NCKAP5: variants seen among roughly 807,000 people sequenced by gnomAD.
NCKAP5 encodes the protein NCK associated protein 5.
In NCKAP5, 92 loss-of-function variants were observed where a neutral mutation model predicts 167.0. The ratio of observed to expected loss-of-function variants is 0.55; its 90% CI spans 0.47 to 0.66. The LOEUF is 0.66. Ranked by LOEUF, NCKAP5 falls within the 30% of genes least tolerant of loss-of-function variation. The pLI, the probability that NCKAP5 is intolerant of heterozygous loss-of-function variation, is 0.00. For missense variants in NCKAP5, 2,378 were observed against 2,315.0 expected, an observed-to-expected ratio of 1.03 and a Z score of -0.56; for synonymous variants, 891 against 877.4, an observed-to-expected ratio of 1.02 and a Z score of -0.27.
intron 5 of NCKAP5, among the ~76,000 whole-genome samples, chr2:133,159,625 G>A (rs16857667): frequency 0.14 from 20,751 of 152,194 alleles, 1,617 homozygotes; most frequent in East Asian, 0.38. Flanking sequence ...CCACTGGCAT[G>A]TTCCTGTAAG....
chr2:133,563,755 G>T (rs1688348310), intron 1 of NCKAP5, among the ~76,000 whole-genome samples: 1 of 152,188 alleles, frequency 6.6e-6, no homozygotes, highest in African/African-American at 2.4e-5. Context: ...CGGGGCAGAT[G>T]TGAATGACCA....
intron 6 of NCKAP5, among the ~76,000 whole-genome samples, chr2:133,054,636 C>T (rs2079729620): frequency 6.6e-6 from 1 of 152,176 alleles, no homozygotes; most frequent in Admixed American, 6.5e-5. Flanking sequence ...AATTAATCTA[C>T]TGGTGACGAA....
intron 11 of NCKAP5, among the ~76,000 whole-genome samples, chr2:132,814,489 G>A (rs887981629): frequency 1.3e-5 from 2 of 152,112 alleles, no homozygotes; most frequent in Non-Finnish European, 2.9e-5. Context: ...ATCATTTCTT[G>A]GCAAATGGCA....
chr2:132,687,409 T>C (rs1244809908), intron 19 of NCKAP5, among the ~76,000 whole-genome samples: 2 of 152,116 alleles, frequency 1.3e-5, no homozygotes, highest in Non-Finnish European at 2.9e-5. Flanking sequence ...TTTCTTCAAC[T>C]CTGTGAAGAC....
At chr2:133,339,376 T>C (rs1056240272) in intron 3 of NCKAP5, among the ~76,000 whole-genome samples, 1 of 152,182 alleles carries the variant, frequency 6.6e-6, no homozygotes, top group Non-Finnish European at 1.5e-5. Flanking sequence ...TGTGAATCCA[T>C]GGCCCCAGGC....
At chr2:133,459,775 G>A (rs150006682) in intron 3 of NCKAP5, among the ~76,000 whole-genome samples, 1 of 152,228 alleles carries the variant, frequency 6.6e-6, no homozygotes, top group East Asian at 1.9e-4. Context: ...CAATGCATGG[G>A]TAATTACAAA....
At chr2:133,290,868 C>T (rs1230975050) in intron 4 of NCKAP5, among the ~76,000 whole-genome samples, 1 of 151,836 alleles carries the variant, frequency 6.6e-6, no homozygotes. Context: ...ATACTCCCAC[C>T]TCAGCCTCCT....
intron 6 of NCKAP5, among the ~76,000 whole-genome samples, chr2:133,081,792 T>C (rs1213395938): frequency 6.6e-6 from 1 of 152,128 alleles, no homozygotes; most frequent in African/African-American, 2.4e-5. Context: ...TTTCCAAGCA[T>C]AGCTCCTTCA....
chr2:132,825,387 C>T (rs1441729168), intron 11 of NCKAP5, among the ~76,000 whole-genome samples: 1 of 152,166 alleles, frequency 6.6e-6, no homozygotes, highest in African/African-American at 2.4e-5. Flanking sequence ...ATCTCCACCC[C>T]TAAGAGGAAG....
intron 5 of NCKAP5, among the ~76,000 whole-genome samples, chr2:133,180,329 T>C (rs955598420): frequency 4.6e-5 from 7 of 151,910 alleles, no homozygotes; most frequent in African/African-American, 1.7e-4. Flanking sequence ...CGTTTTTTTT[T>C]CCTTTTCTTT....
chr2:133,416,876 G>C (rs1689143383), intron 3 of NCKAP5, among the ~76,000 whole-genome samples: 1 of 152,050 alleles, frequency 6.6e-6, no homozygotes, highest in Admixed American at 6.5e-5. Context: ...TCGAGGTTTG[G>C]AAAAAGAGGC....
At chr2:133,250,544 G>T (rs1446070469) in intron 4 of NCKAP5, among the ~76,000 whole-genome samples, 2 of 152,238 alleles carry the variant, frequency 1.3e-5, no homozygotes, top group Non-Finnish European at 2.9e-5. Context: ...TGCTTCTGAG[G>T]CAGGCTCTGC....
chr2:133,611,272 C>G, the NCKAP5 span, among the ~76,000 whole-genome samples: 3 of 151,484 alleles, frequency 2.0e-5, no homozygotes, highest in South Asian at 6.2e-4. Flanking sequence ...CACCCGCCAC[C>G]CGCCACCACC....
chr2:132,857,258 C>A (rs1689546115), intron 11 of NCKAP5, among the ~76,000 whole-genome samples: 1 of 151,978 alleles, frequency 6.6e-6, no homozygotes, highest in African/African-American at 2.4e-5. Context: ...GGTACAGGAA[C>A]TTAAAGGCAT....
At chr2:132,855,515 A>C (rs1689396041) in intron 11 of NCKAP5, among the ~76,000 whole-genome samples, 1 of 152,228 alleles carries the variant, frequency 6.6e-6, no homozygotes, top group African/African-American at 2.4e-5. Flanking sequence ...GGCAGAGTTC[A>C]TCCATTCCAG....
intron 16 of NCKAP5, 83 bp from the exon 17 acceptor site, chr2:132,732,134 C>G (rs762125745): frequency 1.8e-5 from 24 of 1,344,196 alleles, no homozygotes; most frequent in Admixed American, 2.7e-5. Flanking sequence ...GGGGTATGAT[C>G]TGGAGGAAAG....
At chr2:133,193,741 G>T (rs2085325317) in intron 5 of NCKAP5, among the ~76,000 whole-genome samples, 1 of 152,006 alleles carries the variant, frequency 6.6e-6, no homozygotes, top group Non-Finnish European at 1.5e-5. Flanking sequence ...AGCTAACTTT[G>T]CTTAACTACT....
chr2:133,019,719 C>T (rs189654928), intron 6 of NCKAP5, among the ~76,000 whole-genome samples: 1,555 of 152,206 alleles, frequency 0.01, 19 homozygotes, highest in Non-Finnish European at 0.012. Flanking sequence ...GAAAATAACC[C>T]AAACCAAACC....
chr2:133,509,817 G>A (rs1023917839), intron 3 of NCKAP5, among the ~76,000 whole-genome samples: 3 of 152,166 alleles, frequency 2.0e-5, no homozygotes, highest in Admixed American at 1.3e-4. Flanking sequence ...CCAAACTGTC[G>A]ATAGTGTCGA....
Sources: gnomAD v4.1 joint callset for allele counts (sites outside exome capture counted in the v4.1 genomes callset) on GRCh38, gnomAD v4.1.1 for gene constraint, MANE v1.5 for transcripts, NCBI Gene and HGNC (gene_info 2026-07-23, HGNC 2026-07-21) for gene names.